The following SPECC1L variants were observed in gnomAD, a reference collection of about 807,000 sequenced individuals.
The protein encoded by SPECC1L is sperm antigen with calponin homology and coiled-coil domains 1 like.
In SPECC1L, 40 loss-of-function variants were observed where a neutral mutation model predicts 116.8. The ratio of observed to expected loss-of-function variants is 0.34; its 90% CI spans 0.27 to 0.45. The LOEUF (loss-of-function observed/expected upper bound fraction) is 0.45, where lower values mean the gene tolerates loss of function less well. SPECC1L is among the 20% of genes least tolerant of loss of function. SPECC1L has a pLI of 1.00. For synonymous variants in SPECC1L, 504 were observed against 500.6 expected, an observed-to-expected ratio of 1.01 and a Z score of -0.09; for missense variants, 1,110 against 1,373.6, an observed-to-expected ratio of 0.81 and a Z score of 3.03.
chr22:24,312,711 G>A (rs6004128), intron 3 of SPECC1L, among the ~76,000 whole-genome samples: 1 of 152,088 alleles, frequency 6.6e-6, no homozygotes, highest in African/African-American at 2.4e-5. Flanking sequence ...AAATATTGCA[G>A]ATGGTCTTTC....
chr22:24,304,977 A>AT (rs1471155159), intron 3 of SPECC1L, among the ~76,000 whole-genome samples: 1 of 152,224 alleles, frequency 6.6e-6, no homozygotes, highest in Non-Finnish European at 1.5e-5. Flanking sequence ...TAGGCTGAAC[A>AT]TTTATTCCTT....
At chr22:24,295,221 G>T (rs2049235738) in intron 2 of SPECC1L, among the ~76,000 whole-genome samples, 1 of 150,658 alleles carries the variant, frequency 6.6e-6, no homozygotes, top group Non-Finnish European at 1.5e-5. Flanking sequence ...TAATGAGAGT[G>T]GTTTGTGTCT....
intron 11 of SPECC1L, among the ~76,000 whole-genome samples, chr22:24,360,147 A>C (rs1318519101): frequency 6.6e-6 from 1 of 152,250 alleles, no homozygotes; most frequent in African/African-American, 2.4e-5. Flanking sequence ...CTGTAAACAT[A>C]ATATCTCCTG....
At chr22:24,295,845 G>A (rs1439719683) in intron 2 of SPECC1L, among the ~76,000 whole-genome samples, 1 of 152,124 alleles carries the variant, frequency 6.6e-6, no homozygotes, top group African/African-American at 2.4e-5. Context: ...CTACTCGGGA[G>A]GCTGAGGGAG....
At chr22:24,407,240 C>A (rs1236615906) in intron 14 of SPECC1L, among the ~76,000 whole-genome samples, 1 of 152,236 alleles carries the variant, frequency 6.6e-6, no homozygotes, top group African/African-American at 2.4e-5. Flanking sequence ...CAAATGTGAA[C>A]TTCCTCAGCC....
rs767141663 is a variant in SPECC1L at position 24,334,414 on chromosome 22, G to A, written c.2401G>A (p.Glu801Lys). The A allele has an allele frequency of 2.5e-6, 4 of 1,613,986 alleles. No individual in the cohort carries two copies. The highest frequency in any genetic ancestry group is 3.4e-6 in the Non-Finnish European group (4 of 1,180,008). ...ELEEIKSRKQ[E>K]EERGRVYNYM... ...TGATTTCAATATTATTTTCAGGCAA[G>A]AGGAGGAGCGAGGCCGGGTATACAA... The change falls in exon 9 of 17, where the codon GAG (glutamate) becomes AAG (lysine). Residue 801 changes from glutamate (E) to lysine (K), a missense_variant. Physicochemically the swap from Glu to Lys is moderately conservative, Grantham distance 56. Transcript: ENST00000314328.
intron 2 of SPECC1L, among the ~76,000 whole-genome samples, chr22:24,285,550 G>GGCT (rs2049024353): frequency 2.6e-5 from 4 of 152,062 alleles, no homozygotes; most frequent in Admixed American, 2.6e-4. Context: ...AAATGTCCCA[G>GGCT]GCTGCTCCTA....
Position 24,276,767 on chromosome 22 carries a change from C to G in SPECC1L, c.-74C>G. ...CCTCTTCCATCATGAGTTCCTGAGG[C>G]AGTCCGATGGGGCTACTTTATTCCA... On this transcript the variant is annotated 5_prime_UTR_variant, in exon 2 of 17. Transcript: ENST00000314328. The G allele has an allele frequency of 2.2e-6, 1 of 453,896 alleles. No individual in the cohort carries two copies. The highest frequency in any genetic ancestry group is 4.4e-6 in the Non-Finnish European group (1 of 226,714). The allele number at this position is 453,896 out of a possible 1,614,324, so 28.1% of individuals were successfully genotyped here.
intron 11 of SPECC1L, among the ~76,000 whole-genome samples, chr22:24,356,930 A>ATCCC (rs2041544469): frequency 6.6e-6 from 1 of 151,870 alleles, no homozygotes; most frequent in Non-Finnish European, 1.5e-5. Flanking sequence ...GTTTAGCAGT[A>ATCCC]TCCCTGCTCT....
At chr22:24,401,988 C>T (rs1402554583) in intron 14 of SPECC1L, among the ~76,000 whole-genome samples, 1 of 151,992 alleles carries the variant, frequency 6.6e-6, no homozygotes, top group Non-Finnish European at 1.5e-5. Context: ...CGGCCGCCTG[C>T]CCTACCTCGG....
chr22:24,277,351 A>G (rs2048856496), intron 2 of SPECC1L, among the ~76,000 whole-genome samples: 1 of 152,248 alleles, frequency 6.6e-6, no homozygotes, highest in Non-Finnish European at 1.5e-5. Context: ...AAATAAGCGT[A>G]TATTAACAAA....
At chr22:24,350,406 T>G (rs1224545885) in intron 11 of SPECC1L, among the ~76,000 whole-genome samples, 1 of 152,094 alleles carries the variant, frequency 6.6e-6, no homozygotes, top group African/African-American at 2.4e-5. Flanking sequence ...GATAAAAAAT[T>G]GTGAGGTGAG....
chr22:24,379,855 A>T (rs910559874), intron 14 of SPECC1L, among the ~76,000 whole-genome samples: 1 of 152,124 alleles, frequency 6.6e-6, no homozygotes, highest in Non-Finnish European at 1.5e-5. Flanking sequence ...GACAGCCTGA[A>T]ATGCATAATC....
chr22:24,392,940 C>T (rs974990589), intron 14 of SPECC1L, among the ~76,000 whole-genome samples: 1 of 152,212 alleles, frequency 6.6e-6, no homozygotes, highest in African/African-American at 2.4e-5. Context: ...TATGTAGCCT[C>T]TCCAATATTT....
chr22:24,375,962 C>G (rs1250737347), intron 14 of SPECC1L, among the ~76,000 whole-genome samples: 2 of 150,660 alleles, frequency 1.3e-5, no homozygotes, highest in Non-Finnish European at 2.9e-5. Flanking sequence ...AACAAACAAA[C>G]AAACAAACAA....
At chr22:24,312,872 T>G (rs902865064) in intron 3 of SPECC1L, among the ~76,000 whole-genome samples, 10 of 152,220 alleles carry the variant, frequency 6.6e-5, no homozygotes, top group African/African-American at 9.6e-5. Flanking sequence ...GTAAAAAAGA[T>G]AAATTTCAGA....
At chr22:24,365,936 G>A (rs1358419956) in intron 13 of SPECC1L, among the ~76,000 whole-genome samples, 2 of 151,546 alleles carry the variant, frequency 1.3e-5, no homozygotes, top group South Asian at 2.1e-4. Context: ...GTTAGGGAAG[G>A]CATCCCAGAA....
At chr22:24,391,132 C>T (rs925068044) in intron 14 of SPECC1L, among the ~76,000 whole-genome samples, 8 of 151,906 alleles carry the variant, frequency 5.3e-5, no homozygotes, top group African/African-American at 1.9e-4. Context: ...GCCTTGGCCT[C>T]CCAAAGTGCT....
intron 14 of SPECC1L, among the ~76,000 whole-genome samples, chr22:24,403,287 A>T (rs991177404): frequency 6.6e-6 from 1 of 152,236 alleles, no homozygotes; most frequent in African/African-American, 2.4e-5. Flanking sequence ...ATTATCTCGT[A>T]GAGTAGAAAA....
Sources: allele counts gnomAD v4.1 joint callset (sites outside exome capture counted in the v4.1 genomes callset), GRCh38; gene constraint gnomAD v4.1.1; transcripts MANE v1.5; gene names NCBI Gene and HGNC (gene_info 2026-07-23, HGNC 2026-07-21).